EPHA6: variants seen among roughly 807,000 people sequenced by gnomAD.
The protein encoded by EPHA6 is ephrin type-A receptor 6.
Under a neutral mutation model 112.0 loss-of-function variants are expected in EPHA6, and 50 were observed. The ratio of observed to expected loss-of-function variants is 0.45; its 90% CI spans 0.36 to 0.56. The LOEUF (loss-of-function observed/expected upper bound fraction) is 0.56. Ranked by LOEUF, EPHA6 falls within the 20% of genes least tolerant of loss-of-function variation. EPHA6 has a pLI of 0.00. For missense variants in EPHA6, 1,280 were observed against 1,417.4 expected (o/e 0.90, Z 1.56); for synonymous variants, 529 against 490.7 (o/e 1.08, Z -1.03).
At chr3:97,746,130 A>C (rs957063506) in intron 16 of EPHA6, among the ~76,000 whole-genome samples, 8 of 151,894 alleles carry the variant, frequency 5.3e-5, no homozygotes, top group Non-Finnish European at 8.8e-5. Context: ...TCATTCTTTA[A>C]CTTTATAAAA....
At chr3:97,659,397 A>G (rs1229835744) in intron 14 of EPHA6, among the ~76,000 whole-genome samples, 1 of 152,004 alleles carries the variant, frequency 6.6e-6, no homozygotes, top group African/African-American at 2.4e-5. Flanking sequence ...TTGCATATGA[A>G]TGAAATTTAT....
intron 2 of EPHA6, among the ~76,000 whole-genome samples, chr3:96,925,888 G>A (rs780483101): frequency 1.3e-5 from 2 of 152,070 alleles, no homozygotes; most frequent in African/African-American, 2.4e-5. Context: ...TTACAGGTGT[G>A]AGCCATCGTG....
chr3:96,950,801 T>C (rs2041496454), intron 2 of EPHA6, among the ~76,000 whole-genome samples: 1 of 152,152 alleles, frequency 6.6e-6, no homozygotes. Flanking sequence ...TTTTCCATGT[T>C]GATATGCCAG....
intron 1 of EPHA6, among the ~76,000 whole-genome samples, chr3:96,841,245 A>G (rs2034729781): frequency 6.6e-6 from 1 of 152,108 alleles, no homozygotes; most frequent in African/African-American, 2.4e-5. Context: ...TAAGTTTCTG[A>G]TTAACCTTTC....
intron 5 of EPHA6, among the ~76,000 whole-genome samples, chr3:97,289,395 T>C (rs1046871785): frequency 5.3e-5 from 8 of 152,080 alleles, no homozygotes; most frequent in African/African-American, 1.7e-4. Context: ...GGCTGAAGTG[T>C]ACAACTTTAT....
intron 5 of EPHA6, among the ~76,000 whole-genome samples, chr3:97,361,864 A>G (rs2084392168): frequency 6.6e-6 from 1 of 152,238 alleles, no homozygotes; most frequent in African/African-American, 2.4e-5. Context: ...CATTAAAACC[A>G]TAGCAGCTTG....
intron 13 of EPHA6, among the ~76,000 whole-genome samples, chr3:97,615,900 G>A (rs77114155): frequency 0.042 from 6,389 of 152,174 alleles, 599 homozygotes; most frequent in East Asian, 0.4. Context: ...TACAGCTTCC[G>A]GGCTTTGGAG....
chr3:96,914,310 A>C (rs9860137), intron 2 of EPHA6, among the ~76,000 whole-genome samples: 7,292 of 152,202 alleles, frequency 0.048, 512 homozygotes, highest in African/African-American at 0.15. Flanking sequence ...TGACAAGTGA[A>C]TGCTTATTTG....
intron 3 of EPHA6, among the ~76,000 whole-genome samples, chr3:97,069,532 G>A (rs1446494246): frequency 6.6e-6 from 1 of 152,140 alleles, no homozygotes; most frequent in African/African-American, 2.4e-5. Flanking sequence ...ATTCAAAAAT[G>A]TGAGGAGAAA....
chr3:96,935,975 C>T (rs1334645299), intron 2 of EPHA6, among the ~76,000 whole-genome samples: 2 of 151,872 alleles, frequency 1.3e-5, no homozygotes, highest in Non-Finnish European at 2.9e-5. Context: ...AACAAACCTC[C>T]TAAGGAAAAT....
intron 1 of EPHA6, among the ~76,000 whole-genome samples, chr3:96,816,925 C>G (rs2032837207): frequency 6.6e-6 from 1 of 151,070 alleles, no homozygotes; most frequent in African/African-American, 2.5e-5. Context: ...AGATGTTTGA[C>G]CTAGAATATA....
intron 5 of EPHA6, among the ~76,000 whole-genome samples, chr3:97,278,275 A>T (rs1366046036): frequency 2.0e-5 from 3 of 152,190 alleles, no homozygotes; most frequent in African/African-American, 7.2e-5. Context: ...GTCTATTTGT[A>T]TGAAAAAAAT....
intron 14 of EPHA6, among the ~76,000 whole-genome samples, chr3:97,687,373 T>G (rs1343342960): frequency 6.6e-6 from 1 of 152,208 alleles, no homozygotes; most frequent in Non-Finnish European, 1.5e-5. Context: ...TTTAACATAC[T>G]ATTGGACATC....
intron 10 of EPHA6, among the ~76,000 whole-genome samples, chr3:97,517,163 A>G (rs2092460235): frequency 6.6e-6 from 1 of 152,146 alleles, no homozygotes; most frequent in African/African-American, 2.4e-5. Context: ...AATTTCAAAT[A>G]ACCAAAAAGT....
chr3:97,348,113 G>A (rs2083624023), intron 5 of EPHA6, among the ~76,000 whole-genome samples: 2 of 151,564 alleles, frequency 1.3e-5, no homozygotes, highest in Admixed American at 1.3e-4. Context: ...ACATTAGAGA[G>A]TAAAATTGTG....
chr3:97,288,136 G>A (rs1258379034), intron 5 of EPHA6, among the ~76,000 whole-genome samples: 1 of 152,058 alleles, frequency 6.6e-6, no homozygotes, highest in Admixed American at 6.6e-5. Flanking sequence ...TTCTTACATG[G>A]GTATACTGTG....
chr3:97,023,423 C>T (rs571928540), intron 3 of EPHA6, among the ~76,000 whole-genome samples: 1 of 152,036 alleles, frequency 6.6e-6, no homozygotes, highest in Non-Finnish European at 1.5e-5. Flanking sequence ...GAAATTATTT[C>T]TCATGAGAGA....
chr3:97,144,399 T>G (rs1332768899), intron 3 of EPHA6, among the ~76,000 whole-genome samples: 1 of 151,260 alleles, frequency 6.6e-6, no homozygotes, highest in Non-Finnish European at 1.5e-5. Flanking sequence ...GAAATTCCTA[T>G]GCACCCCAGC....
rs538241679 is a variant in EPHA6, at chr3:96,854,769, G to T, written c.386-12056G>T. ...CCACTGAGGCTGCATTGAATTCAATGAAAGGAACAAGATGAAGAGACCCTA... is the reference window on the plus strand; with the variant it reads ...CCACTGAGGCTGCATTGAATTCAATTAAAGGAACAAGATGAAGAGACCCTA... On this transcript the variant is annotated intron_variant, in intron 1 of 17. Transcript: ENST00000389672. Among the ~76,000 whole-genome samples the T allele has an allele frequency of 1.1e-4, 16 of 152,232 alleles. No individual in the cohort carries two copies. In the South Asian group the frequency reaches 3.1e-3, roughly 30 times the overall value.
Sources: gnomAD v4.1 joint callset for allele counts (sites outside exome capture counted in the v4.1 genomes callset) on GRCh38, gnomAD v4.1.1 for gene constraint, MANE v1.5 for transcripts, NCBI Gene and HGNC (gene_info 2026-07-23, HGNC 2026-07-21) for gene names.